The following ASCL5 variants were observed in gnomAD, a reference collection of about 807,000 sequenced individuals.
The protein encoded by ASCL5 is achaete-scute homolog 5.
For missense variants in ASCL5, 262 were observed against 268.9 expected (o/e 0.97, Z 0.18); for synonymous variants, 124 against 131.5 (o/e 0.94, Z 0.39).
chr1:201,114,660 C>T lies in ASCL5; in HGVS notation c.*92G>A, dbSNP rs1663292745. 1 of 1,105,652 alleles carries T rather than the reference C, an allele frequency of 9.0e-7. No homozygotes were observed. The highest frequency in any genetic ancestry group is 4.3e-5 in the Admixed American group (1 of 23,258). 68.5% of individuals were successfully genotyped at this position (1,105,652 alleles called of 1,614,324 possible). On this transcript the variant is annotated 3_prime_UTR_variant, in exon 2 of 2. Coordinates refer to ENST00000449188, the MANE Select transcript of ASCL5 (RefSeq NM_001270601.2). ...CTCCTACAGTCACCGTCCTGCGGCG[C>T]ATCGCGGGTGACCCAACAGCCTCCC...
chr1:201,124,345 G>T (rs1663539572), intron 1 of ASCL5, among the ~76,000 whole-genome samples: 1 of 152,158 alleles, frequency 6.6e-6, no homozygotes, highest in African/African-American at 2.4e-5. Flanking sequence ...CAAGGGTGCT[G>T]CCTGCCAGCC....
intron 1 of ASCL5, among the ~76,000 whole-genome samples, chr1:201,124,156 A>G (rs1196753203): frequency 1.3e-5 from 2 of 152,268 alleles, no homozygotes; most frequent in Non-Finnish European, 2.9e-5. Flanking sequence ...CTATAGACAC[A>G]GTGAAGTCAT....
chr1:201,115,162 C>G lies in ASCL5; in HGVS notation c.211G>C (p.Gly71Arg). The G allele has an allele frequency of 2.4e-6, 3 of 1,231,644 alleles. No individual in the cohort carries two copies. Among genetic ancestry groups the G allele is most frequent in the Non-Finnish European group, 3.0e-6 (3 of 987,956 alleles). 76.3% of individuals were successfully genotyped at this position (1,231,644 alleles called of 1,614,324 possible). Residue 71 changes from glycine to arginine, a missense_variant, in exon 2 of 2, where the codon GGC becomes CGC. Physicochemically the swap from Gly to Arg is moderately radical, Grantham distance 125 (BLOSUM62 -2). Coordinates refer to ENST00000449188, the MANE Select transcript of ASCL5 (RefSeq NM_001270601.2). ...AGVFPYVPFP[G>R]AFGVYEYPFE... ...GGGTATTCGTAGACCCCGAAGGCGC[C>G]GGGGAAGGGCACGTAGGGGAACACC...
At chr1:201,121,421 C>A (rs748101246) in intron 1 of ASCL5, among the ~76,000 whole-genome samples, 7 of 152,062 alleles carry the variant, frequency 4.6e-5, no homozygotes, top group South Asian at 2.1e-4. Flanking sequence ...AGCTTGGGAA[C>A]CTTGTGCTTC....
At chr1:201,121,700 G>C (rs562767165) in intron 1 of ASCL5, among the ~76,000 whole-genome samples, 2 of 152,114 alleles carry the variant, frequency 1.3e-5, no homozygotes, top group African/African-American at 4.8e-5. Context: ...ATGTGGTGAT[G>C]CATGCCTGTA....
At chr1:201,120,362 T>C (rs1663427848) in intron 1 of ASCL5, among the ~76,000 whole-genome samples, 1 of 152,088 alleles carries the variant, frequency 6.6e-6, no homozygotes, top group Non-Finnish European at 1.5e-5. Context: ...TTGCTGTTAA[T>C]GGTTTCATAC....
chr1:201,118,777 C>A (rs1012935050), intron 1 of ASCL5, among the ~76,000 whole-genome samples: 2 of 152,180 alleles, frequency 1.3e-5, no homozygotes, highest in African/African-American at 4.8e-5. Context: ...ATGTGCAAGA[C>A]CTCATGCTAA....
intron 1 of ASCL5, among the ~76,000 whole-genome samples, chr1:201,121,705 C>T (rs1193868908): frequency 1.3e-5 from 2 of 151,986 alleles, no homozygotes; most frequent in Admixed American, 6.5e-5. Flanking sequence ...GTGATGCATG[C>T]CTGTAGTCCC....
chr1:201,119,709 A>G (rs566858798), intron 1 of ASCL5, among the ~76,000 whole-genome samples: 1 of 152,288 alleles, frequency 6.6e-6, no homozygotes, highest in Admixed American at 6.5e-5. Flanking sequence ...GTTGTTTTGA[A>G]TTAAAAATAG....
intron 1 of ASCL5, among the ~76,000 whole-genome samples, chr1:201,124,778 G>A (rs955929978): frequency 2.0e-5 from 3 of 152,130 alleles, no homozygotes; most frequent in Admixed American, 6.5e-5. Context: ...GATCTCATTC[G>A]AGCCTCAGGG....
In ASCL5 at chr1:201,115,539, C is replaced by T. The variant is rs1262901256; in HGVS notation, c.-167G>A. On this transcript the variant is annotated 5_prime_UTR_variant, in exon 2 of 2. Transcript: ENST00000449188. ...CCTTTAGGGTGGCTTCCAATGACTC[C>T]CTAACAAGAGCCATCGCCCTAGACA... 1.4e-5 allele frequency: 6 copies of T among 441,154 alleles called. No individual in the cohort carries two copies. The highest frequency in any genetic ancestry group is 2.0e-5 in the African/African-American group (1 of 49,376). 27.3% of individuals were successfully genotyped at this position (441,154 alleles called of 1,614,324 possible).
Position 201,115,063 on chromosome 1 carries a change from C to T in ASCL5, c.310G>A (p.Ala104Thr). The T allele has an allele frequency of 8.1e-7, 1 of 1,232,102 alleles. No homozygotes were observed. The highest frequency in any genetic ancestry group is 4.1e-5 in the South Asian group (1 of 24,334). The allele number at this position is 1,232,102 out of a possible 1,614,324, so 76.3% of individuals were successfully genotyped here. The change falls in exon 2 of 2, where the codon GCT becomes ACT. Residue 104 changes from alanine (A) to threonine (T), a missense_variant. By Grantham distance (58) the Ala-to-Thr change is moderately conservative (BLOSUM62 0). Coordinates refer to ENST00000449188, the MANE Select transcript of ASCL5 (RefSeq NM_001270601.2). ...QRVKCVNEGY[A>T]RLRGHLPGAL... ...CCGGGGAGGTGGCCGCGGAGGCGAG[C>T]GTAGCCCTCGTTGACGCACTTGACT... is the stretch of plus-strand genomic sequence containing the variant.
In ASCL5 at chr1:201,114,986, G is replaced by A; in HGVS notation, c.387C>T (p.Ile129=). 8.1e-7 allele frequency: 1 copy of A among 1,231,672 alleles called. No individual in the cohort carries two copies. The highest frequency in any genetic ancestry group is 1.0e-6 in the Non-Finnish European group (1 of 987,950). 76.3% of individuals were successfully genotyped at this position (1,231,672 alleles called of 1,614,324 possible). The change falls in exon 2 of 2, where the codon ATC becomes ATT. Residue 129 remains isoleucine, a synonymous_variant. Transcript: ENST00000449188. ...GCTCTTGCAGGTACTTTATGTAGCG[G>A]ATGGCGGCGCGCAGCGTCTCCACCT... The part of the protein sequence containing the change: ...LSKVETLRAA[I]RYIKYLQELL...
intron 1 of ASCL5, among the ~76,000 whole-genome samples, chr1:201,116,768 G>A (rs1020529012): frequency 6.6e-6 from 1 of 152,080 alleles, no homozygotes; most frequent in African/African-American, 2.4e-5. Context: ...CTCTCTGATC[G>A]CACTCCCCCC....
intron 1 of ASCL5, among the ~76,000 whole-genome samples, chr1:201,124,333 C>T (rs1280706880): frequency 6.6e-6 from 1 of 152,158 alleles, no homozygotes; most frequent in Non-Finnish European, 1.5e-5. Context: ...GGAAGCTGCC[C>T]CCAAGGGTGC....
chr1:201,119,522 G>A (rs911152049), intron 1 of ASCL5, among the ~76,000 whole-genome samples: 13 of 152,142 alleles, frequency 8.5e-5, no homozygotes, highest in Admixed American at 4.6e-4. Flanking sequence ...TGGGGACTGT[G>A]GGTCCCTAGG....
chr1:201,123,561 G>A lies in ASCL5; in HGVS notation c.-506+3523C>T, dbSNP rs77980323. Among the ~76,000 whole-genome samples, 1,307 of 152,316 alleles carry A rather than the reference G, an allele frequency of 8.6e-3. 13 individuals carry two copies. Among genetic ancestry groups the A allele is most frequent in the Non-Finnish European group, 0.015 (1,015 of 68,034 alleles). On this transcript the variant is annotated intron_variant, in intron 1 of 1. Transcript: ENST00000449188. ...GCAAAGAGTGGTTAAGCAAATTGCC[G>A]CAGGTCACACAGCTGATAAATGTTG... is the stretch of plus-strand genomic sequence containing the variant.
At chr1:201,125,713 C>G (rs1476526876) in intron 1 of ASCL5, among the ~76,000 whole-genome samples, 3 of 152,166 alleles carry the variant, frequency 2.0e-5, no homozygotes, top group Non-Finnish European at 4.4e-5. Context: ...CCCTCTGTAT[C>G]CTGCGGGCCC....
chr1:201,115,182 A>C lies in ASCL5; in HGVS notation c.191T>G (p.Phe64Cys). The change falls in exon 2 of 2, where the codon TTC (phenylalanine) becomes TGC (cysteine). Residue 64 changes from phenylalanine (F) to cysteine (C), a missense_variant. Phe to Cys is a radical substitution (Grantham distance 205). Coordinates refer to ENST00000449188, the MANE Select transcript of ASCL5 (RefSeq NM_001270601.2). Reference protein sequence around the residue: ...PPYYDAYAGVFPYVPFPGAFG... With the variant: ...PPYYDAYAGVCPYVPFPGAFG... ...GGCGCCGGGGAAGGGCACGTAGGGG[A>C]ACACCCCCGCATAGGCGTCGTAGTA... The C allele has an allele frequency of 1.6e-6, 2 of 1,231,528 alleles. No individual in the cohort carries two copies. The highest frequency in any genetic ancestry group is 1.0e-6 in the Non-Finnish European group (1 of 987,904). 76.3% of individuals were successfully genotyped at this position (1,231,528 alleles called of 1,614,324 possible).
Sources: allele counts gnomAD v4.1 joint callset (sites outside exome capture counted in the v4.1 genomes callset), GRCh38; gene constraint gnomAD v4.1.1; transcripts MANE v1.5; gene names NCBI Gene and HGNC (gene_info 2026-07-23, HGNC 2026-07-21).